BUB1B: variants seen among roughly 807,000 people sequenced by gnomAD.
BUB1B encodes BUB1 mitotic checkpoint serine/threonine kinase B.
A neutral mutation model predicts 137.7 loss-of-function variants in BUB1B; 86 were observed. That is an observed-to-expected ratio of 0.62 (90% CI 0.52 to 0.75). BUB1B has a LOEUF of 0.75. Ranked by LOEUF, BUB1B falls within the 30% of genes least tolerant of loss-of-function variation. The probability of loss-of-function intolerance (pLI) is 0.00; values close to 1 mark genes in which losing one functional copy is unlikely to be tolerated. For missense variants in BUB1B, 1,130 were observed against 1,236.9 expected (o/e 0.91, Z 1.30); for synonymous variants, 420 against 417.9 (o/e 1.00, Z -0.06).
At chr15:40,171,383 A>G (rs1241820187) in intron 4 of BUB1B, among the ~76,000 whole-genome samples, 2 of 152,100 alleles carry the variant, frequency 1.3e-5, no homozygotes, top group Non-Finnish European at 2.9e-5. Context: ...ACCCCATCTC[A>G]TAAAGTACAG....
chr15:40,202,339 T>C, intron 12 of BUB1B, 66 bp from the exon 13 acceptor site: 1 of 1,330,862 alleles, frequency 7.5e-7, no homozygotes, highest in Non-Finnish European at 1.1e-6. Context: ...TTGATTAATT[T>C]ATCTGGTTGT....
At chr15:40,189,222 C>T (rs1425871998) in intron 8 of BUB1B, among the ~76,000 whole-genome samples, 1 of 152,050 alleles carries the variant, frequency 6.6e-6, no homozygotes, top group Non-Finnish European at 1.5e-5. Context: ...TACATTGGTG[C>T]AATCTCTGCT....
At chr15:40,190,038 A>T (rs1034449367) in intron 8 of BUB1B, among the ~76,000 whole-genome samples, 7 of 152,024 alleles carry the variant, frequency 4.6e-5, no homozygotes, top group African/African-American at 1.7e-4. Flanking sequence ...TCCTTGGCCT[A>T]TTTTTCCTTT....
Position 40,185,548 on chromosome 15 carries a change from C to T in BUB1B, c.967-3C>T. 1 of 1,614,046 alleles carries T rather than the reference C, an allele frequency of 6.2e-7. No individual in the cohort carries two copies. On this transcript the variant is annotated splice_region_variant and splice_polypyrimidine_tract_variant and intron_variant, in intron 7 of 22. Transcript: ENST00000287598. Reference sequence around the variant, plus strand: ...TAATTTTAGTTTTCTTCTTCATCTCCAGCCTCGTGGCAATACAGCTTCACT... The same window carrying T: ...TAATTTTAGTTTTCTTCTTCATCTCTAGCCTCGTGGCAATACAGCTTCACT...
chr15:40,217,541 G>T lies in BUB1B; in HGVS notation c.2724G>T (p.Lys908Asn). The change falls in exon 21 of 23, where the codon AAG becomes AAT. Residue 908 changes from lysine to asparagine, a missense_variant. Transcript: ENST00000287598. ...YDCNKNNQAL[K>N]IVDFSYSVDL... Reference sequence around the variant, plus strand: ...GTAACAAGAACAATCAAGCTTTGAAGATAGTGGACTTTTCCTACAGTGTTG... The same window carrying T: ...GTAACAAGAACAATCAAGCTTTGAATATAGTGGACTTTTCCTACAGTGTTG... 1 of 1,614,094 alleles carries T rather than the reference G, an allele frequency of 6.2e-7. No homozygotes were observed. The highest frequency in any genetic ancestry group is 1.3e-5 in the African/African-American group (1 of 74,994).
At chr15:40,206,514 T>C (rs945545526) in intron 15 of BUB1B, 56 bp downstream of exon 15, 51 of 1,604,930 alleles carry the variant, frequency 3.2e-5, no homozygotes, top group Non-Finnish European at 4.2e-5. Context: ...TTATTCTGCA[T>C]GTGCTTGTCA....
chr15:40,206,459 G>A lies in BUB1B; in HGVS notation c.2009+1G>A, dbSNP rs1028243319. 8 of 1,614,016 alleles carry A rather than the reference G, an allele frequency of 5.0e-6. No individual in the cohort carries two copies. The highest frequency in any genetic ancestry group is 1.1e-5 in the South Asian group (1 of 91,082). ...AGACTCTCAGCATCAAGAAGCTGAG[G>A]TGATTGGGGATTTACAGGTTTTACA... On this transcript the variant is annotated splice_donor_variant, in intron 15 of 22. Coordinates refer to ENST00000287598, the MANE Select transcript of BUB1B (RefSeq NM_001211.6). LOFTEE classifies it high-confidence loss of function.
chr15:40,200,410 C>T (rs1219282744), intron 11 of BUB1B, 51 bp downstream of exon 11: 1 of 1,407,474 alleles, frequency 7.1e-7, no homozygotes, highest in Admixed American at 1.7e-5. Context: ...GCATTTAGAA[C>T]CAACCTTTGA....
intron 2 of BUB1B, among the ~76,000 whole-genome samples, chr15:40,168,439 A>G (rs907437435): frequency 1.3e-5 from 2 of 152,176 alleles, no homozygotes; most frequent in African/African-American, 2.4e-5. Flanking sequence ...GTTTGAATCT[A>G]TAGATCAATT....
chr15:40,178,756 C>T (rs1029731584), intron 5 of BUB1B, among the ~76,000 whole-genome samples: 2 of 152,136 alleles, frequency 1.3e-5, no homozygotes, highest in Non-Finnish European at 2.9e-5. Flanking sequence ...TTAGAATTGA[C>T]CCCTGTATCA....
chr15:40,192,601 C>G (rs76553553), intron 8 of BUB1B, among the ~76,000 whole-genome samples: 3,157 of 152,202 alleles, frequency 0.021, 93 homozygotes, highest in East Asian at 0.062. Context: ...TTTTCATTGT[C>G]TTTATAGTTC....
intron 2 of BUB1B, 80 bp from the exon 3 acceptor site, chr15:40,169,982 A>G: frequency 1.7e-6 from 2 of 1,146,266 alleles, no homozygotes; most frequent in Non-Finnish European, 2.7e-6. Context: ...TACTTATTAC[A>G]TGAATAAAAA....
At chr15:40,172,091 AAAAT>A (rs1249774284) in intron 4 of BUB1B, among the ~76,000 whole-genome samples, 3 of 150,558 alleles carry the variant, frequency 2.0e-5, no homozygotes, top group Non-Finnish European at 3.0e-5. Context: ...ATTTCTTACT[AAAAT>A]AAAGAAATAA....
Position 40,183,863 on chromosome 15 carries a change from G to C in BUB1B, c.731G>C (p.Arg244Pro). ...GKKTARAPII[R>P]VGGALKAPSQ... Reference sequence around the variant, plus strand: ...AAGACAGCAAGAGCTCCAATCATCCGTGTAGGAGGTGCTCTCAAGGGTAAG... The same window carrying C: ...AAGACAGCAAGAGCTCCAATCATCCCTGTAGGAGGTGCTCTCAAGGGTAAG... Residue 244 changes from arginine (R) to proline (P), a missense_variant, in exon 6 of 23, where the codon CGT becomes CCT. Coordinates refer to ENST00000287598, the MANE Select transcript of BUB1B (RefSeq NM_001211.6). The C allele has an allele frequency of 6.2e-7, 1 of 1,614,080 alleles. No individual in the cohort carries two copies. The highest frequency in any genetic ancestry group is 1.1e-5 in the South Asian group (1 of 91,078).
chr15:40,183,590 T>C, intron 5 of BUB1B, 124 bp from the exon 6 acceptor site: 1 of 844,538 alleles, frequency 1.2e-6, no homozygotes, highest in South Asian at 1.4e-5. Flanking sequence ...ACATGTTCTT[T>C]GGGATATTTC....
At chr15:40,172,940 C>T (rs1406530934) in intron 4 of BUB1B, among the ~76,000 whole-genome samples, 1 of 152,136 alleles carries the variant, frequency 6.6e-6, no homozygotes, top group Non-Finnish European at 1.5e-5. Flanking sequence ...TTTTGTCCTT[C>T]ATTTGTCACT....
chr15:40,179,376 C>T (rs868021984), intron 5 of BUB1B, among the ~76,000 whole-genome samples: 4 of 152,022 alleles, frequency 2.6e-5, no homozygotes, highest in East Asian at 3.9e-4. Flanking sequence ...GTTATATTTG[C>T]GTAACAGGTT....
chr15:40,184,369 A>G (rs1034273977), intron 6 of BUB1B, among the ~76,000 whole-genome samples: 9 of 151,746 alleles, frequency 5.9e-5, no homozygotes, highest in Admixed American at 2.6e-4. Flanking sequence ...TGGTAGTGCA[A>G]TCATAGCTCA....
intron 15 of BUB1B, among the ~76,000 whole-genome samples, chr15:40,207,985 T>C (rs2037658413): frequency 6.6e-6 from 1 of 150,866 alleles, no homozygotes; most frequent in South Asian, 2.1e-4. Context: ...GATATTAGCT[T>C]TTTTGTTTTA....
Sources: allele counts gnomAD v4.1 joint callset (sites outside exome capture counted in the v4.1 genomes callset), GRCh38; gene constraint gnomAD v4.1.1; transcripts MANE v1.5; gene names NCBI Gene and HGNC (gene_info 2026-07-23, HGNC 2026-07-21).